Variants in CLYBL observed in about 807,000 individuals in gnomAD.
CLYBL encodes the protein citramalyl-CoA lyase, also known as citramalyl-CoA lyase, mitochondrial.
A neutral mutation model predicts 38.9 loss-of-function variants in CLYBL; 31 were observed. The ratio of observed to expected loss-of-function variants is 0.80; its 90% CI spans 0.60 to 1.08. The LOEUF (loss-of-function observed/expected upper bound fraction) is 1.08. Ranked by LOEUF, CLYBL falls within the 50% of genes least tolerant of loss-of-function variation. CLYBL has a pLI of 0.00. For missense variants in CLYBL, 434 were observed against 411.6 expected (o/e 1.05, Z -0.47); for synonymous variants, 171 against 158.6 (o/e 1.08, Z -0.59).
intron 2 of CLYBL, among the ~76,000 whole-genome samples, chr13:99,809,244 T>G (rs2050292334): frequency 6.6e-6 from 1 of 152,184 alleles, no homozygotes; most frequent in South Asian, 2.1e-4. Flanking sequence ...ATTTTAATCG[T>G]CCTGTAGAAC....
At chr13:99,764,988 C>G (rs560994051) in intron 1 of CLYBL, among the ~76,000 whole-genome samples, 1 of 152,186 alleles carries the variant, frequency 6.6e-6, no homozygotes, top group South Asian at 2.1e-4. Context: ...CATGCCCAAC[C>G]CTTGTATTTA....
At chr13:99,714,074 ACCT>A (rs1322321408) in intron 1 of CLYBL, among the ~76,000 whole-genome samples, 1 of 151,994 alleles carries the variant, frequency 6.6e-6, no homozygotes, top group Non-Finnish European at 1.5e-5. Context: ...TGCAGCCTTG[ACCT>A]CCTGGGCTCA....
At chr13:99,628,048 T>A (rs1334110049) in intron 1 of CLYBL, among the ~76,000 whole-genome samples, 1 of 152,244 alleles carries the variant, frequency 6.6e-6, no homozygotes, top group Non-Finnish European at 1.5e-5. Context: ...ACGTGAAGTT[T>A]ACAAAACCCA....
At chr13:99,795,863 G>A (rs1246207744) in intron 2 of CLYBL, among the ~76,000 whole-genome samples, 1 of 152,164 alleles carries the variant, frequency 6.6e-6, no homozygotes, top group African/African-American at 2.4e-5. Flanking sequence ...GCATTCTGCT[G>A]AGCATTTCAT....
At chr13:99,815,262 T>C (rs922640547) in intron 2 of CLYBL, among the ~76,000 whole-genome samples, 1 of 152,044 alleles carries the variant, frequency 6.6e-6, no homozygotes, top group African/African-American at 2.4e-5. Flanking sequence ...ATATAACTCA[T>C]GTGTACGTGT....
chr13:99,783,890 A>G (rs371569451), intron 2 of CLYBL: 11 of 152,390 alleles, frequency 7.2e-5, no homozygotes, highest in African/African-American at 2.6e-4. Context: ...AACATTATTG[A>G]GTGCTATGGC....
chr13:99,901,299 T>C (rs921160918), downstream of CLYBL, among the ~76,000 whole-genome samples: 3 of 152,186 alleles, frequency 2.0e-5, no homozygotes, highest in Admixed American at 6.5e-5. Flanking sequence ...TTCCTCCCCT[T>C]ACAATTCCAA....
chr13:99,865,223 T>C lies in CLYBL; in HGVS notation c.634+312T>C. On this transcript the variant is annotated intron_variant, in intron 5 of 8. Transcript: ENST00000339105. The surrounding 1 kb of genome is among the most constrained non-coding windows in gnomAD (Gnocchi z 4.7). ...TCTCCTTTGCTCCTAATAAATATATTATGTGAACAGCCTCACCGTTGCTTC... is the reference window on the plus strand; with the variant it reads ...TCTCCTTTGCTCCTAATAAATATATCATGTGAACAGCCTCACCGTTGCTTC... The C allele has an allele frequency of 2.7e-6, 1 of 371,348 alleles. No individual in the cohort carries two copies. Among genetic ancestry groups the C allele is most frequent in the Non-Finnish European group, 5.2e-6 (1 of 191,738 alleles). 23.0% of individuals were successfully genotyped at this position (371,348 alleles called of 1,614,324 possible).
intron 1 of CLYBL, among the ~76,000 whole-genome samples, chr13:99,611,999 C>T (rs1381001966): frequency 6.6e-6 from 1 of 152,152 alleles, no homozygotes; most frequent in African/African-American, 2.4e-5. Flanking sequence ...AGTTTATAGG[C>T]CCATCACTAC....
intron 1 of CLYBL, among the ~76,000 whole-genome samples, chr13:99,672,242 A>G (rs2047576901): frequency 7.1e-6 from 1 of 141,580 alleles, no homozygotes. Context: ...TCTGTTACCC[A>G]GGCTGGAGTG....
chr13:99,819,172 T>C (rs2050522507), intron 2 of CLYBL, among the ~76,000 whole-genome samples: 2 of 151,330 alleles, frequency 1.3e-5, no homozygotes, highest in South Asian at 2.1e-4. Context: ...ATAATATCTC[T>C]ACAAAAGAAA....
chr13:99,902,129 C>A (rs2052650790), downstream of CLYBL, among the ~76,000 whole-genome samples: 1 of 152,100 alleles, frequency 6.6e-6, no homozygotes, highest in Non-Finnish European at 1.5e-5. Flanking sequence ...TAAAGTGTAC[C>A]TTTTATAACA....
intron 2 of CLYBL, among the ~76,000 whole-genome samples, chr13:99,848,037 A>G (rs932339486): frequency 4.0e-5 from 6 of 151,716 alleles, no homozygotes; most frequent in Admixed American, 3.9e-4. Context: ...ACAAATCATC[A>G]CCTTGCTGTG....
intron 3 of CLYBL, among the ~76,000 whole-genome samples, chr13:99,860,943 G>A (rs2051585730): frequency 6.6e-6 from 1 of 152,148 alleles, no homozygotes; most frequent in Non-Finnish European, 1.5e-5. Flanking sequence ...CCTTTGTCAT[G>A]GGACAATTCT....
rs1486521136 is a variant in CLYBL, at chr13:99,884,807, A to G, written c.928-6511A>G. On this transcript the variant is annotated intron_variant, in intron 7 of 8. Transcript: ENST00000339105. ...GGAGGCAGAGCCCCATATCCCTGAG[A>G]CCAGCTGGGATGAAGCCTCACTGCA... 2.0e-5 allele frequency among the ~76,000 whole-genome samples: 3 copies of G among 152,192 alleles called. No individual in the cohort carries two copies. In the East Asian group the frequency reaches 5.8e-4, roughly 29 times the overall value.
At chr13:99,877,366 G>GTT (rs1430548858) in intron 7 of CLYBL, among the ~76,000 whole-genome samples, 1 of 151,962 alleles carries the variant, frequency 6.6e-6, no homozygotes, top group Non-Finnish European at 1.5e-5. Flanking sequence ...GTCTGTGTGT[G>GTT]TATCTTTCTG....
chr13:99,772,066 A>G (rs1180525793), intron 1 of CLYBL, among the ~76,000 whole-genome samples: 1 of 152,076 alleles, frequency 6.6e-6, no homozygotes, highest in Non-Finnish European at 1.5e-5. Flanking sequence ...TCACCCTTTA[A>G]AAGATGTATT....
intron 1 of CLYBL, among the ~76,000 whole-genome samples, chr13:99,770,778 G>C (rs952399439): frequency 2.6e-5 from 4 of 151,912 alleles, no homozygotes; most frequent in African/African-American, 9.7e-5. Flanking sequence ...CTGGAGTGCA[G>C]TGGTGCGATC....
intron 1 of CLYBL, among the ~76,000 whole-genome samples, chr13:99,620,329 C>T (rs569708893): frequency 6.6e-6 from 1 of 152,206 alleles, no homozygotes. Flanking sequence ...AACCCTCAAG[C>T]TGGCTTGCAA....
Sources: gnomAD v4.1 joint callset for allele counts (sites outside exome capture counted in the v4.1 genomes callset) on GRCh38, gnomAD v4.1.1 for gene constraint, Gnocchi (gnomAD v3.1) non-coding constraint, MANE v1.5 for transcripts, NCBI Gene and HGNC (gene_info 2026-07-23, HGNC 2026-07-21) for gene names.